The following TNFRSF10D variants were observed in gnomAD, a reference collection of about 807,000 sequenced individuals.
The protein encoded by TNFRSF10D is TNF receptor superfamily member 10d.
Under a neutral mutation model 42.1 loss-of-function variants are expected in TNFRSF10D, and 28 were observed. The observed-to-expected ratio is 0.66, with a 90% confidence interval of 0.49 to 0.91. The LOEUF (loss-of-function observed/expected upper bound fraction) is 0.91, where lower values mean the gene tolerates loss of function less well. TNFRSF10D is among the 40% of genes least tolerant of loss of function. TNFRSF10D has a pLI of 0.00. For missense variants in TNFRSF10D, 503 were observed against 486.1 expected (o/e 1.03, Z -0.33); for synonymous variants, 186 against 189.4 (o/e 0.98, Z 0.15).
Position 23,137,709 on chromosome 8 carries a change from A to T in TNFRSF10D, c.*161T>A, listed in dbSNP as rs1259477012. Reference sequence around the variant, plus strand: ...GCAGTATTTCATAAAAATTACTCCAAGTGCGTTAACAAAGTTCTAGGACCA... The same window carrying T: ...GCAGTATTTCATAAAAATTACTCCATGTGCGTTAACAAAGTTCTAGGACCA... On this transcript the variant is annotated 3_prime_UTR_variant, in exon 9 of 9. Transcript: ENST00000312584. The T allele has an allele frequency of 8.2e-6, 7 of 854,026 alleles. No homozygotes were observed. The African/African-American group carries it at 1.2e-4, about 14-fold the overall frequency. 52.9% of individuals were successfully genotyped at this position (854,026 alleles called of 1,614,324 possible).
At chr8:23,158,090 G>C (rs925720631) in intron 1 of TNFRSF10D, among the ~76,000 whole-genome samples, 7 of 152,198 alleles carry the variant, frequency 4.6e-5, no homozygotes, top group African/African-American at 1.7e-4. Context: ...TGTTTCTCAA[G>C]TCACCTGCTC....
At chr8:23,162,562 C>G (rs1165741939) in intron 1 of TNFRSF10D, among the ~76,000 whole-genome samples, 4 of 152,198 alleles carry the variant, frequency 2.6e-5, no homozygotes, top group Non-Finnish European at 5.9e-5. Flanking sequence ...TTGGCAGAAA[C>G]GTCAGTCACT....
intron 4 of TNFRSF10D, 132 bp from the exon 5 acceptor site, chr8:23,146,053 G>C: frequency 8.1e-7 from 1 of 1,239,224 alleles, no homozygotes; most frequent in South Asian, 1.3e-5. Flanking sequence ...TGTCAGCAGT[G>C]GGTCCCCCTG....
At chr8:23,152,502 T>C (rs1226410657) in intron 2 of TNFRSF10D, among the ~76,000 whole-genome samples, 1 of 152,232 alleles carries the variant, frequency 6.6e-6, no homozygotes, top group Non-Finnish European at 1.5e-5. Context: ...GTGTTGGGTT[T>C]GGGGTCAGGG....
At position 23,163,943 on chromosome 8, in the gene TNFRSF10D, G is replaced by C. The variant is rs78171433; in HGVS notation, c.-8C>G. On this transcript the variant is annotated 5_prime_UTR_variant, in exon 1 of 9. Coordinates refer to ENST00000312584, the MANE Select transcript of TNFRSF10D (RefSeq NM_003840.5). ...TTGTCCCCAAAGTCCCATGAGAAGG[G>C]AGGAGGGTGGATCGAAAGCGCCAAA... 1 of 1,545,150 alleles carries C rather than the reference G, an allele frequency of 6.5e-7. No individual in the cohort carries two copies. The highest frequency in any genetic ancestry group is 8.7e-7 in the Non-Finnish European group (1 of 1,151,986).
chr8:23,162,173 A>G (rs1322396513), intron 1 of TNFRSF10D, among the ~76,000 whole-genome samples: 521 of 151,492 alleles, frequency 3.4e-3, no homozygotes, highest in African/African-American at 0.011. Context: ...TTTAAAAAGC[A>G]ACTGTGCATT....
chr8:23,149,189 CAAAAAAAAAA>C (rs370400558), intron 2 of TNFRSF10D, among the ~76,000 whole-genome samples: 2 of 85,698 alleles, frequency 2.3e-5, no homozygotes, highest in Admixed American at 1.3e-4. Context: ...GACTCTGTCT[CAAAAAAAAAA>C]AAAAAAAAGA....
At position 23,145,634 on chromosome 8, in the gene TNFRSF10D, G is replaced by C. The variant is rs535165781; in HGVS notation, c.736+34C>G. ...GGAGTGGGAGAGGGCAGGGCAGACA[G>C]TGCCCAGCGCTCCCACCCTCAGCCA... On this transcript the variant is annotated intron_variant, in intron 5 of 8. Coordinates refer to ENST00000312584, the MANE Select transcript of TNFRSF10D (RefSeq NM_003840.5). The C allele has an allele frequency of 6.8e-5, 110 of 1,612,510 alleles. 2 individuals carry two copies. The East Asian group carries it at 2.4e-3, about 35-fold the overall frequency.
chr8:23,159,167 TG>T (rs1454618579), intron 1 of TNFRSF10D, among the ~76,000 whole-genome samples: 1 of 152,150 alleles, frequency 6.6e-6, no homozygotes, highest in Non-Finnish European at 1.5e-5. Context: ...CATTTTGCTA[TG>T]TTTCCCAGGC....
intron 7 of TNFRSF10D, among the ~76,000 whole-genome samples, chr8:23,138,879 G>A (rs1184949758): frequency 5.9e-5 from 9 of 152,158 alleles, no homozygotes; most frequent in Admixed American, 5.9e-4. Flanking sequence ...AACCAAAAGT[G>A]AATGCCATTG....
Position 23,146,950 on chromosome 8 carries a change from T to A in TNFRSF10D, c.482+11A>T. The stretch of plus-strand genomic sequence containing the variant: ...CTGAAAGCTGTTGGGAGCCCCTGGC[T>A]GCTGTCTTACCCTGTTCTACACGTC... On this transcript the variant is annotated intron_variant, in intron 4 of 8. Transcript: ENST00000312584. 1 of 1,611,532 alleles carries A rather than the reference T, an allele frequency of 6.2e-7. No individual in the cohort carries two copies.
intron 2 of TNFRSF10D, among the ~76,000 whole-genome samples, chr8:23,149,924 C>T (rs112600336): frequency 6.1e-3 from 926 of 152,122 alleles, no homozygotes; most frequent in African/African-American, 0.019. Context: ...AAAGGTTCCA[C>T]GAGGGCAGGG....
Position 23,145,870 on chromosome 8 carries a change from G to A in TNFRSF10D, c.534C>T (p.Ile178=). The stretch of plus-strand genomic sequence containing the variant: ...TGGCAGCTGATTCATTTTTGCACTT[G>A]ATGTCACTCCGGGGCGTACAATTAC... ...KVSNCTPRSD[I]KCKNESAASS... The change falls in exon 5 of 9, where the codon ATC becomes ATT. Residue 178 remains isoleucine, a synonymous_variant. Transcript: ENST00000312584. The A allele has an allele frequency of 6.2e-7, 1 of 1,614,206 alleles. No individual in the cohort carries two copies. The highest frequency in any genetic ancestry group is 8.5e-7 in the Non-Finnish European group (1 of 1,180,044).
chr8:23,150,882 T>C (rs546894667), intron 2 of TNFRSF10D, among the ~76,000 whole-genome samples: 915 of 149,208 alleles, frequency 6.1e-3, no homozygotes, highest in African/African-American at 0.019. Flanking sequence ...AAATAAAGAA[T>C]GAAAAAGAGG....
chr8:23,144,976 T>C (rs1800093678), intron 6 of TNFRSF10D, 82 bp downstream of exon 6: 19 of 1,591,508 alleles, frequency 1.2e-5, no homozygotes, highest in Non-Finnish European at 1.6e-5. Flanking sequence ...GGACAAGGGA[T>C]TGTGCCCACC....
Position 23,137,809 on chromosome 8 carries a change from T to C in TNFRSF10D, c.*61A>G, listed in dbSNP as rs1814361372. On this transcript the variant is annotated 3_prime_UTR_variant, in exon 9 of 9. Coordinates refer to ENST00000312584, the MANE Select transcript of TNFRSF10D (RefSeq NM_003840.5). ...AAGTACTGGACTGTTTCTTCCAGGC[T>C]GCTTCCCTTTGTAGGAGAAAAGGTA... is the stretch of plus-strand genomic sequence containing the variant. 1.3e-6 allele frequency: 2 copies of C among 1,569,388 alleles called. No individual in the cohort carries two copies. Among genetic ancestry groups the C allele is most frequent in the East Asian group, 4.5e-5 (2 of 44,772 alleles).
At chr8:23,145,513 AG>A (rs1264015042) in intron 5 of TNFRSF10D, among the ~76,000 whole-genome samples, 154 bp downstream of exon 5, 2 of 152,112 alleles carry the variant, frequency 1.3e-5, no homozygotes, top group African/African-American at 4.8e-5. Flanking sequence ...GGGGATACAC[AG>A]GACGTGGGGA....
Position 23,135,716 on chromosome 8 carries a change from C to A in TNFRSF10D, c.*2154G>T, listed in dbSNP as rs531788069. 11 of 292,044 alleles carry A rather than the reference C, an allele frequency of 3.8e-5. No homozygotes were observed. The East Asian group carries it at 9.9e-4, about 26-fold the overall frequency. The allele number at this position is 292,044 out of a possible 1,614,324, so 18.1% of individuals were successfully genotyped here. A position where few individuals can be genotyped will look rare whatever the true frequency, so the allele number is the denominator to read the frequency against. On this transcript the variant is annotated 3_prime_UTR_variant, in exon 9 of 9. Transcript: ENST00000312584. ...AAACAAATCAACCAACGCCAAAAAA[C>A]CCCAACAATTTCATGTTGTCAGGAA...
Position 23,137,880 on chromosome 8 carries a change from G to T in TNFRSF10D, c.1151C>A (p.Ser384Tyr), listed in dbSNP as rs1432926325. ...YEEDEAGSAT[S>Y]CL ...CCTGAAGAGATTCTTTCACAGGCAGGACGTAGCAGAGCCTGCCTCATCTTC... is the reference window on the plus strand; with the variant it reads ...CCTGAAGAGATTCTTTCACAGGCAGTACGTAGCAGAGCCTGCCTCATCTTC... Residue 384 changes from serine to tyrosine, a missense_variant, in exon 9 of 9, where the codon TCC becomes TAC. Physicochemically the swap from Ser to Tyr is moderately radical, Grantham distance 144 (BLOSUM62 -2). Coordinates refer to ENST00000312584, the MANE Select transcript of TNFRSF10D (RefSeq NM_003840.5). The T allele has an allele frequency of 6.2e-7, 1 of 1,613,520 alleles. No homozygotes were observed. The highest frequency in any genetic ancestry group is 8.5e-7 in the Non-Finnish European group (1 of 1,179,740).
Sources: allele counts gnomAD v4.1 joint callset (sites outside exome capture counted in the v4.1 genomes callset), GRCh38; gene constraint gnomAD v4.1.1; transcripts MANE v1.5; gene names NCBI Gene and HGNC (gene_info 2026-07-23, HGNC 2026-07-21).